TENM2: variants seen among roughly 807,000 people sequenced by gnomAD.
The protein encoded by TENM2 is teneurin-2.
In TENM2, 52 loss-of-function variants were observed where a neutral mutation model predicts 245.2. The ratio of observed to expected loss-of-function variants is 0.21; its 90% CI spans 0.17 to 0.27. The LOEUF (loss-of-function observed/expected upper bound fraction) is 0.27. Among genes scored for constraint, TENM2 ranks in the 10% least tolerant of loss-of-function variants. The pLI, the probability that TENM2 is intolerant of heterozygous loss-of-function variation, is 1.00. For synonymous variants in TENM2, 1,363 were observed against 1,438.9 expected (o/e 0.95, Z 1.19); for missense variants, 3,046 against 3,666.8 (o/e 0.83, Z 4.37).
intron 2 of TENM2, among the ~76,000 whole-genome samples, chr5:167,829,221 C>T (rs1404947628): frequency 6.6e-6 from 1 of 152,190 alleles, no homozygotes; most frequent in Non-Finnish European, 1.5e-5. Flanking sequence ...AAACACACAT[C>T]GTGTGGAATT....
intron 3 of TENM2, among the ~76,000 whole-genome samples, chr5:167,917,233 G>A (rs80094493): frequency 0.013 from 2,042 of 152,254 alleles, 45 homozygotes; most frequent in African/African-American, 0.047. Flanking sequence ...AGATGCCTGT[G>A]GATTCCAGAG....
At position 167,355,603 on chromosome 5, in the gene TENM2, G is replaced by A. The variant is rs192907088; in HGVS notation, c.227-19595G>A. 5.9e-5 allele frequency among the ~76,000 whole-genome samples: 9 copies of A among 152,294 alleles called. No homozygotes were observed. In the East Asian group the frequency reaches 1.7e-3, roughly 29 times the overall value. ...CCCTGGTGGTCTGCTCATGAGCCGC[G>A]AGGGAGCAAACAAAACCATTGTCTC... On this transcript the variant is annotated intron_variant, in intron 1 of 28. Coordinates refer to ENST00000518659, the Ensembl canonical transcript of TENM2.
intron 7 of TENM2, among the ~76,000 whole-genome samples, chr5:168,072,281 G>A (rs1298062612): frequency 5.3e-5 from 8 of 152,190 alleles, no homozygotes; most frequent in Non-Finnish European, 1.2e-4. Context: ...CCTTGGAATA[G>A]CCTTGAAATG....
intron 2 of TENM2, among the ~76,000 whole-genome samples, chr5:167,545,755 A>G (rs1024854756): frequency 3.3e-5 from 5 of 152,196 alleles, no homozygotes; most frequent in Non-Finnish European, 1.5e-5. Context: ...ACTGCATTTT[A>G]TCTTCCTAAT....
chr5:167,854,081 C>G lies in TENM2; in HGVS notation c.503-21905C>G, dbSNP rs1258195433. 2.6e-5 allele frequency among the ~76,000 whole-genome samples: 4 copies of G among 152,168 alleles called. No individual in the cohort carries two copies. In the East Asian group the frequency reaches 7.7e-4, roughly 29 times the overall value. On this transcript the variant is annotated intron_variant, in intron 2 of 28. Coordinates refer to ENST00000518659, the Ensembl canonical transcript of TENM2. ...AAAATAATTTCACATCACCTATCTT[C>G]CATTTCTTTTTATTTTAAAAGCCCT... is the stretch of plus-strand genomic sequence containing the variant.
Position 168,247,119 on chromosome 5 carries a change from C to T in TENM2, c.6180C>T (p.Ser2060=). Residue 2060 remains serine (S), a synonymous_variant, in exon 27 of 29, where the codon TCC becomes TCT. Transcript: ENST00000518659. This position sits in a 1 kb window ranked among gnomAD's most constrained non-coding sequence, Gnocchi z 7.8. ...TCAACCTCCAAAGTGGGGGCTTCTC[C>T]TGCACCATCAGGTACCGGAAGATTG... The T allele has an allele frequency of 6.2e-7, 1 of 1,613,918 alleles. No individual in the cohort carries two copies. Among genetic ancestry groups the T allele is most frequent in the Non-Finnish European group, 8.5e-7 (1 of 1,179,888 alleles).
the TENM2 span, among the ~76,000 whole-genome samples, chr5:167,180,077 C>G: frequency 6.7e-6 from 1 of 150,286 alleles, no homozygotes; most frequent in African/African-American, 2.5e-5. Flanking sequence ...CCGTTCCTCT[C>G]CAGCCCTTTT....
At chr5:167,168,262 C>T in the TENM2 span, 1 of 152,232 alleles carries the variant, frequency 6.6e-6, no homozygotes, top group Non-Finnish European at 1.5e-5. Flanking sequence ...CGGCTGAGGT[C>T]AAACGTCTCT....
At chr5:167,916,207 G>A (rs1318185859) in intron 3 of TENM2, among the ~76,000 whole-genome samples, 3 of 152,168 alleles carry the variant, frequency 2.0e-5, no homozygotes, top group South Asian at 2.1e-4. Flanking sequence ...TTGTGAGTAC[G>A]TGGCTTGCTT....
the TENM2 span, among the ~76,000 whole-genome samples, chr5:167,038,891 GA>G: frequency 6.6e-6 from 1 of 152,104 alleles, no homozygotes; most frequent in Non-Finnish European, 1.5e-5. Context: ...TTTTGGAAAT[GA>G]AGCCCAAATT....
chr5:167,484,646 C>T (rs1408102256), intron 2 of TENM2, among the ~76,000 whole-genome samples: 1 of 152,140 alleles, frequency 6.6e-6, no homozygotes, highest in Non-Finnish European at 1.5e-5. Context: ...GAAGTTCGTA[C>T]AGTGTCTTAC....
chr5:167,374,678 T>A (rs542405372), intron 1 of TENM2, among the ~76,000 whole-genome samples: 1 of 152,236 alleles, frequency 6.6e-6, no homozygotes, highest in African/African-American at 2.4e-5. Context: ...TGAACCTTAA[T>A]CTGATCCCTG....
At chr5:167,701,560 T>G (rs1993613) in intron 2 of TENM2, among the ~76,000 whole-genome samples, 1,873 of 152,320 alleles carry the variant, frequency 0.012, 49 homozygotes, top group African/African-American at 0.043. Flanking sequence ...TGCTTCTCAC[T>G]AACTGCATGT....
At chr5:167,879,832 G>A (rs1293170548) in intron 3 of TENM2, among the ~76,000 whole-genome samples, 13 of 152,086 alleles carry the variant, frequency 8.5e-5, no homozygotes. Context: ...GTTTGTAACT[G>A]AGCACATGAA....
intron 27 of TENM2, among the ~76,000 whole-genome samples, chr5:168,255,190 A>T (rs547183578): frequency 1.3e-5 from 2 of 152,388 alleles, no homozygotes; most frequent in Non-Finnish European, 2.9e-5. Context: ...GTAACAAAAA[A>T]ACACAGATGG....
At chr5:167,992,877 G>GA (rs917962717) in intron 4 of TENM2, 67 bp from the exon 7 acceptor site, 4 of 1,302,782 alleles carry the variant, frequency 3.1e-6, no homozygotes, top group Non-Finnish European at 4.4e-6. Context: ...CAGAGTGGAA[G>GA]AAAAATAGCT....
the TENM2 span, among the ~76,000 whole-genome samples, chr5:166,989,945 TA>T: frequency 2.0e-5 from 3 of 151,848 alleles, no homozygotes; most frequent in Non-Finnish European, 4.4e-5. Flanking sequence ...AAGAGTCTAT[TA>T]AAATGTTATC....
intron 2 of TENM2, among the ~76,000 whole-genome samples, chr5:167,547,574 C>A (rs947561838): frequency 6.6e-6 from 1 of 152,176 alleles, no homozygotes; most frequent in African/African-American, 2.4e-5. Context: ...ACTATTTTGT[C>A]TATAAATGTG....
the TENM2 span, among the ~76,000 whole-genome samples, chr5:167,189,543 CTCTT>C: frequency 5.4e-5 from 8 of 148,896 alleles, no homozygotes; most frequent in African/African-American, 7.4e-5. Flanking sequence ...CTTTCGTTCT[CTCTT>C]TCTTTCTTTC....
Sources: allele counts gnomAD v4.1 joint callset (sites outside exome capture counted in the v4.1 genomes callset), GRCh38; gene constraint gnomAD v4.1.1; non-coding constraint Gnocchi (gnomAD v3.1); transcripts MANE v1.5; gene names NCBI Gene and HGNC (gene_info 2026-07-23, HGNC 2026-07-21).